The following UQCC1 variants were observed in gnomAD, a reference collection of about 807,000 sequenced individuals.
UQCC1 encodes ubiquinol-cytochrome c reductase complex assembly factor 1, also known as bFGF-repressed Zic-binding protein.
UQCC1 carries 38 observed loss-of-function variants against 48.0 expected under a neutral mutation model. The observed-to-expected ratio is 0.79, with a 90% CI of 0.61 to 1.04. The LOEUF (loss-of-function observed/expected upper bound fraction) is 1.04, where lower values mean the gene tolerates loss of function less well. Ranked by LOEUF, UQCC1 falls within the 50% of genes least tolerant of loss-of-function variation. UQCC1 has a pLI of 0.00. For missense variants in UQCC1, 368 were observed against 381.8 expected, an observed-to-expected ratio of 0.96 and a Z score of 0.30; for synonymous variants, 111 against 129.2, an observed-to-expected ratio of 0.86 and a Z score of 0.95.
In UQCC1 at chr20:35,306,508, C is replaced by A. The variant is rs2060930023; in HGVS notation, c.765+158G>T. On this transcript the variant is annotated intron_variant, in intron 9 of 9. Transcript: ENST00000374385. ...CTGGCCCAGTTCATGGTTGGACATA[C>A]AGAAGGCGCTCCTTCTTCAGCGTCT... is the stretch of plus-strand genomic sequence containing the variant. The A allele has an allele frequency of 4.9e-6, 3 of 607,714 alleles. No homozygotes were observed. In the South Asian group the frequency reaches 5.8e-5, roughly 12 times the overall value. 37.6% of individuals were successfully genotyped at this position (607,714 alleles called of 1,614,324 possible).
chr20:35,403,477 G>A (rs1387508378), intron 1 of UQCC1, among the ~76,000 whole-genome samples: 1 of 152,140 alleles, frequency 6.6e-6, no homozygotes, highest in Non-Finnish European at 1.5e-5. Context: ...GTCTCCTCAG[G>A]AGACAAGTTG....
At chr20:35,405,899 T>G (rs746276539) in intron 1 of UQCC1, among the ~76,000 whole-genome samples, 1 of 151,982 alleles carries the variant, frequency 6.6e-6, no homozygotes, top group Non-Finnish European at 1.5e-5. Context: ...CAAAATAAAT[T>G]CTAGAATTGA....
chr20:35,361,414 C>G (rs1374353827), intron 6 of UQCC1, among the ~76,000 whole-genome samples: 1 of 152,042 alleles, frequency 6.6e-6, no homozygotes, highest in African/African-American at 2.4e-5. Context: ...CACATCCTCT[C>G]ATTGCACCTA....
chr20:35,410,252 G>A (rs1196905579), intron 1 of UQCC1: 1 of 152,202 alleles, frequency 6.6e-6, no homozygotes, highest in Non-Finnish European at 1.5e-5. Context: ...ATAGTTGTCA[G>A]GCCAGGCTCG....
At chr20:35,364,975 C>T (rs2061650203) in intron 6 of UQCC1, among the ~76,000 whole-genome samples, 1 of 152,148 alleles carries the variant, frequency 6.6e-6, no homozygotes, top group Non-Finnish European at 1.5e-5. Context: ...AGTAATTTTA[C>T]AGTGCCACCT....
intron 6 of UQCC1, among the ~76,000 whole-genome samples, 198 bp downstream of exon 6, chr20:35,366,359 T>C (rs1040795690): frequency 1.3e-5 from 2 of 152,200 alleles, no homozygotes; most frequent in Non-Finnish European, 2.9e-5. Flanking sequence ...CCTACAAATA[T>C]TAGTTTCCTT....
At chr20:35,306,830 A>G (rs1568644305) in intron 8 of UQCC1, 51 bp from the exon 9 acceptor site, 1 of 1,409,812 alleles carries the variant, frequency 7.1e-7, no homozygotes, top group Non-Finnish European at 1.0e-6. Flanking sequence ...CAGAGCCAGG[A>G]CACAGACGGT....
At chr20:35,312,524 AAT>A (rs1355712348) in intron 8 of UQCC1, among the ~76,000 whole-genome samples, 1 of 152,302 alleles carries the variant, frequency 6.6e-6, no homozygotes, top group African/African-American at 2.4e-5. Context: ...GGTGACAGAT[AAT>A]GTGAATGTAG....
intron 6 of UQCC1, among the ~76,000 whole-genome samples, chr20:35,363,045 A>ATAAG (rs1568682893): frequency 6.6e-6 from 1 of 151,248 alleles, no homozygotes; most frequent in East Asian, 1.9e-4. Flanking sequence ...AAAAAAAAAA[A>ATAAG]AAAGAAAGAA....
At chr20:35,330,681 G>A (rs930689578) in intron 7 of UQCC1, among the ~76,000 whole-genome samples, 4 of 152,158 alleles carry the variant, frequency 2.6e-5, no homozygotes, top group Admixed American at 1.3e-4. Context: ...TATTAGGGAC[G>A]GAGCCAGTTC....
intron 1 of UQCC1, among the ~76,000 whole-genome samples, chr20:35,405,997 G>T (rs2062245564): frequency 6.6e-6 from 1 of 152,118 alleles, no homozygotes; most frequent in African/African-American, 2.4e-5. Context: ...TGGTCTTGAA[G>T]ATAGGTCAAT....
intron 7 of UQCC1, among the ~76,000 whole-genome samples, chr20:35,337,040 G>A (rs1015213950): frequency 8.5e-5 from 13 of 152,290 alleles, no homozygotes; most frequent in African/African-American, 2.4e-4. Flanking sequence ...TAATTTGTAC[G>A]CAGCTCTTCC....
rs67663221 is a variant in UQCC1 at position 35,388,308 on chromosome 20, T to TTTTTTTTTTTTTTTTTG, written c.130-4176_130-4175insCAAAAAAAAAAAAAAAA. 5.8e-5 allele frequency among the ~76,000 whole-genome samples: 7 copies of TTTTTTTTTTTTTTTTTG among 121,244 alleles called. 2 individuals are homozygous for TTTTTTTTTTTTTTTTTG. The highest frequency in any genetic ancestry group is 2.8e-4 in the Admixed American group (3 of 10,680). The allele number at this position is 121,244 out of a possible 152,430, so 79.5% of individuals were successfully genotyped here. ...TTCTATTTCTTTTTTTCTTTTTTTT[T>TTTTTTTTTTTTTTTTTG]GAGACAGGGTCTTGCTCTGTCACCC... On this transcript the variant is annotated intron_variant, in intron 2 of 9. Coordinates refer to ENST00000374385, the MANE Select transcript of UQCC1 (RefSeq NM_018244.5).
intron 1 of UQCC1, among the ~76,000 whole-genome samples, chr20:35,398,186 A>C (rs2062108714): frequency 1.3e-5 from 2 of 152,196 alleles, no homozygotes; most frequent in Admixed American, 1.3e-4. Flanking sequence ...TCTAGCTCTA[A>C]CACTATATGA....
chr20:35,304,068 A>G lies in UQCC1; in HGVS notation c.767T>C (p.Ile256Thr), dbSNP rs1181165499. The G allele has an allele frequency of 1.9e-6, 3 of 1,613,962 alleles. No individual in the cohort carries two copies. The highest frequency in any genetic ancestry group is 2.5e-6 in the Non-Finnish European group (3 of 1,179,916). ...CCCGTTCATGGAGTCCAGGTACTGT[A>G]TCTGCAACCAGGGGAGGGGGAAGGA... Reference protein sequence around the residue: ...ELLVEYVRKQIQYLDSMNGED... With the variant: ...ELLVEYVRKQTQYLDSMNGED... Residue 256 changes from isoleucine (I) to threonine (T), a missense_variant and splice_region_variant, in exon 10 of 10, where the codon ATA (isoleucine) becomes ACA (threonine). Physicochemically the swap from Ile to Thr is moderately conservative, Grantham distance 89. Coordinates refer to ENST00000374385, the MANE Select transcript of UQCC1 (RefSeq NM_018244.5).
chr20:35,369,255 C>A (rs894321263), intron 5 of UQCC1, among the ~76,000 whole-genome samples: 2 of 152,174 alleles, frequency 1.3e-5, no homozygotes, highest in Non-Finnish European at 2.9e-5. Context: ...ATGATTGAGT[C>A]CCTATACACA....
intron 1 of UQCC1, among the ~76,000 whole-genome samples, chr20:35,408,607 C>G (rs1030700051): frequency 6.6e-6 from 1 of 151,824 alleles, no homozygotes; most frequent in East Asian, 1.9e-4. Flanking sequence ...AGTCCCAGCA[C>G]TTTGGGAGAC....
At chr20:35,401,692 A>T (rs1177890382) in intron 1 of UQCC1, among the ~76,000 whole-genome samples, 1 of 124,272 alleles carries the variant, frequency 8.0e-6, no homozygotes, top group Non-Finnish European at 1.6e-5. Context: ...ACAGAGTTTC[A>T]CTCTTGTTGC....
chr20:35,305,292 T>C (rs1200877257), intron 9 of UQCC1, among the ~76,000 whole-genome samples: 1 of 152,186 alleles, frequency 6.6e-6, no homozygotes, highest in Admixed American at 6.5e-5. Context: ...GCTCCCTGCT[T>C]TCCCAAGAAC....
Sources: allele counts gnomAD v4.1 joint callset (sites outside exome capture counted in the v4.1 genomes callset), GRCh38; gene constraint gnomAD v4.1.1; transcripts MANE v1.5; gene names NCBI Gene and HGNC (gene_info 2026-07-23, HGNC 2026-07-21).